Variants in COL9A2 observed in about 807,000 individuals in gnomAD.
COL9A2 encodes the protein collagen type IX alpha 2 chain.
A neutral mutation model predicts 111.6 loss-of-function variants in COL9A2; 66 were observed. That is an observed-to-expected ratio of 0.59 (90% CI 0.48 to 0.73). COL9A2 has a LOEUF of 0.73. Ranked by LOEUF, COL9A2 falls within the 30% of genes least tolerant of loss-of-function variation. COL9A2 has a pLI of 0.00. For synonymous variants in COL9A2, 353 were observed against 364.1 expected (o/e 0.97, Z 0.35); for missense variants, 881 against 954.1 (o/e 0.92, Z 1.01).
intron 31 of COL9A2, 82 bp from the exon 32 acceptor site, chr1:40,301,463 TG>T: frequency 7.8e-7 from 1 of 1,285,816 alleles, no homozygotes; most frequent in Non-Finnish European, 1.1e-6. Context: ...ACTTTTCAGA[TG>T]GAGAAAATGA....
chr1:40,301,390 A>G lies in COL9A2; in HGVS notation c.1871-9T>C, dbSNP rs767247863. ...AGGCCGGCCAGGGAGTCCTGTGAAC[A>G]GGAGAAAGTCAAGACATTAGGGGCA... On this transcript the variant is annotated splice_polypyrimidine_tract_variant and intron_variant, in intron 31 of 31. Transcript: ENST00000372748. 1.9e-6 allele frequency: 3 copies of G among 1,604,080 alleles called. No homozygotes were observed. Among genetic ancestry groups the G allele is most frequent in the African/African-American group, 1.3e-5 (1 of 74,522 alleles).
chr1:40,312,744 A>T lies in COL9A2; in HGVS notation c.290T>A (p.Ile97Asn), dbSNP rs1178931508. The T allele has an allele frequency of 1.3e-6, 2 of 1,553,596 alleles. No homozygotes were observed. The highest frequency in any genetic ancestry group is 1.2e-5 in the South Asian group (1 of 84,422). ...CAGGCCCCTTACCTTGACTCCAGGG[A>T]TCCCCATGGGGCCAGGCTCCCCCTT... Reference protein sequence around the residue: ...GAKGEPGPMGIPGVKGQPGLP... With the variant: ...GAKGEPGPMGNPGVKGQPGLP... Residue 97 changes from isoleucine to asparagine, a missense_variant, in exon 5 of 32, where the codon ATC becomes AAC. Physicochemically the swap from Ile to Asn is moderately radical, Grantham distance 149 (BLOSUM62 -3). Coordinates refer to ENST00000372748, the MANE Select transcript of COL9A2 (RefSeq NM_001852.4). This position sits in a 1 kb window ranked among gnomAD's most constrained non-coding sequence, Gnocchi z 6.0.
At chr1:40,315,772 C>T (rs963746054) in intron 1 of COL9A2, 108 bp from the exon 2 acceptor site, 3 of 676,208 alleles carry the variant, frequency 4.4e-6, no homozygotes, top group African/African-American at 3.7e-5. Flanking sequence ...GCAGCTCTTC[C>T]GCGAACTCCC....
In COL9A2 at chr1:40,301,323, TG is replaced by T; in HGVS notation, c.1928del (p.Pro643GlnfsTer105). ...GTCGACCTGCCTCTCCTGGAGCCCCTGGGGACCCTCGATCTCCATCCTTGCC... is the reference window on the plus strand; with the variant it reads ...GTCGACCTGCCTCTCCTGGAGCCCCTGGGACCCTCGATCTCCATCCTTGCC... The part of the protein sequence containing the change: ...INGKDGDRGS[P>X]GAPGEAGRPG... On this transcript the variant is annotated frameshift_variant, in exon 32 of 32. Transcript: ENST00000372748. LOFTEE classifies it high-confidence loss of function. The T allele has an allele frequency of 3.1e-6, 5 of 1,611,506 alleles. No individual in the cohort carries two copies. Among genetic ancestry groups the T allele is most frequent in the Non-Finnish European group, 4.2e-6 (5 of 1,178,284 alleles).
chr1:40,301,694 G>T, intron 31 of COL9A2, 118 bp downstream of exon 31: 1 of 972,142 alleles, frequency 1.0e-6, no homozygotes, highest in South Asian at 1.6e-5. Flanking sequence ...GCAGAAGCTG[G>T]GTATCAAGGA....
In COL9A2 at chr1:40,317,050, G is replaced by T; in HGVS notation, c.75+73C>A. On this transcript the variant is annotated intron_variant, in intron 1 of 31. Transcript: ENST00000372748. The surrounding 1 kb of genome is among the most constrained non-coding windows in gnomAD (Gnocchi z 4.3). ...GGGGTGTCAGTAGGCGCGGGACACAGGCAGAGCTCCTCCATCCCGGACTCC... is the reference window on the plus strand; with the variant it reads ...GGGGTGTCAGTAGGCGCGGGACACATGCAGAGCTCCTCCATCCCGGACTCC... 6.9e-7 allele frequency: 1 copy of T among 1,447,838 alleles called. No individual in the cohort carries two copies. Among genetic ancestry groups the T allele is most frequent in the Non-Finnish European group, 9.5e-7 (1 of 1,052,844 alleles). 89.7% of individuals were successfully genotyped at this position (1,447,838 alleles called of 1,614,324 possible).
Position 40,300,916 on chromosome 1 carries a change from G to C in COL9A2, c.*266C>G. On this transcript the variant is annotated 3_prime_UTR_variant, in exon 32 of 32. Transcript: ENST00000372748. The surrounding 1 kb of genome is among the most constrained non-coding windows in gnomAD (Gnocchi z 4.4). Reference sequence around the variant, plus strand: ...TTTTGGTAACAGCCGAATGATGCTCGCTGGAAGGAAAGCCGCCCTATTCCT... The same window carrying C: ...TTTTGGTAACAGCCGAATGATGCTCCCTGGAAGGAAAGCCGCCCTATTCCT... The C allele has an allele frequency of 2.1e-6, 1 of 473,938 alleles. No homozygotes were observed. Among genetic ancestry groups the C allele is most frequent in the Non-Finnish European group, 3.8e-6 (1 of 261,234 alleles). The allele number at this position is 473,938 out of a possible 1,614,324, so 29.4% of individuals were successfully genotyped here. A position where few individuals can be genotyped will look rare whatever the true frequency, so the allele number is the denominator to read the frequency against.
chr1:40,311,793 C>G lies in COL9A2; in HGVS notation c.418-78G>C. The stretch of plus-strand genomic sequence containing the variant: ...CCCTAGTGCCCTCCTCCAGGTCCTG[C>G]CTCTGCCCTCTCCACCCTGTCTTCC... On this transcript the variant is annotated intron_variant, in intron 8 of 31. Coordinates refer to ENST00000372748, the MANE Select transcript of COL9A2 (RefSeq NM_001852.4). This position sits in a 1 kb window ranked among gnomAD's most constrained non-coding sequence, Gnocchi z 5.1. The G allele has an allele frequency of 7.1e-7, 1 of 1,405,632 alleles. No individual in the cohort carries two copies. Among genetic ancestry groups the G allele is most frequent in the East Asian group, 2.3e-5 (1 of 43,870 alleles). 87.1% of individuals were successfully genotyped at this position (1,405,632 alleles called of 1,614,324 possible).
intron 16 of COL9A2, 68 bp downstream of exon 16, chr1:40,309,870 G>C (rs1262581610): frequency 6.0e-6 from 9 of 1,508,506 alleles, no homozygotes; most frequent in Non-Finnish European, 8.3e-6. Context: ...CACAGCCTTA[G>C]GGGGTGCCTT....
intron 4 of COL9A2, among the ~76,000 whole-genome samples, chr1:40,313,913 G>A (rs761570565): frequency 6.6e-6 from 1 of 152,074 alleles, no homozygotes; most frequent in Non-Finnish European, 1.5e-5. Flanking sequence ...CTGATCCTTG[G>A]AGGCCAGAAA....
rs1011498273 is a variant in COL9A2 at position 40,304,056 on chromosome 1, G to T, written c.1323+8C>A. On this transcript the variant is annotated splice_region_variant and intron_variant, in intron 25 of 31. Transcript: ENST00000372748. ...GGGGTCGCTGGGAACAGGGGTGCTGGAACTCACCACTTTGCCGCGGGGCCC... is the reference window on the plus strand; with the variant it reads ...GGGGTCGCTGGGAACAGGGGTGCTGTAACTCACCACTTTGCCGCGGGGCCC... 2.5e-6 allele frequency: 4 copies of T among 1,580,248 alleles called. No individual in the cohort carries two copies. Among genetic ancestry groups the T allele is most frequent in the Non-Finnish European group, 3.4e-6 (4 of 1,163,968 alleles).
At position 40,309,898 on chromosome 1, in the gene COL9A2, C is replaced by A. The variant is rs757276316; in HGVS notation, c.846+40G>T. The A allele has an allele frequency of 5.6e-6, 9 of 1,610,032 alleles. No individual in the cohort carries two copies. The Admixed American group carries it at 6.7e-5, about 12-fold the overall frequency. On this transcript the variant is annotated intron_variant, in intron 16 of 31. Coordinates refer to ENST00000372748, the MANE Select transcript of COL9A2 (RefSeq NM_001852.4). ...GGTGCCTTGTCCTGCCCAGTACTCC[C>A]CAGGGGTCCTGACTGAACAATGGGT...
At position 40,306,178 on chromosome 1, in the gene COL9A2, C is replaced by T. The variant is rs753194894; in HGVS notation, c.1018G>A (p.Gly340Ser). The change falls in exon 20 of 32, where the codon GGC (glycine) becomes AGC (serine). Residue 340 changes from glycine (G) to serine (S), a missense_variant. Gly to Ser is a moderately conservative substitution (Grantham distance 56). Transcript: ENST00000372748. The part of the protein sequence containing the change: ...PGHQGLAGVP[G>S]QPGTKGGPGD... ...GGGCCTCCTTTTGTCCCAGGCTGGC[C>T]TGGCACACCCTGCAGAAAGAAGTTG... 257 of 1,614,110 alleles carry T rather than the reference C, an allele frequency of 1.6e-4. No homozygotes were observed. Among genetic ancestry groups the T allele is most frequent in the Non-Finnish European group, 2.1e-4 (250 of 1,180,054 alleles).
In COL9A2 at chr1:40,311,655, C is replaced by T; in HGVS notation, c.471+7G>A. 1.2e-6 allele frequency: 2 copies of T among 1,613,932 alleles called. No individual in the cohort carries two copies. The highest frequency in any genetic ancestry group is 1.7e-6 in the Non-Finnish European group (2 of 1,179,842). ...CTTTGCCATGTCGGGGGTCTGGGGA[C>T]ACTTACAGGTTTCCCAGGGGGTCCT... is the stretch of plus-strand genomic sequence containing the variant. On this transcript the variant is annotated splice_region_variant and intron_variant, in intron 9 of 31. Coordinates refer to ENST00000372748, the MANE Select transcript of COL9A2 (RefSeq NM_001852.4). This position sits in a 1 kb window ranked among gnomAD's most constrained non-coding sequence, Gnocchi z 5.1.
chr1:40,310,705 G>T lies in COL9A2; in HGVS notation c.684+9C>A, dbSNP rs1173822574. The T allele has an allele frequency of 6.4e-7, 1 of 1,566,292 alleles. No homozygotes were observed. The highest frequency in any genetic ancestry group is 2.4e-5 in the East Asian group (1 of 42,028). On this transcript the variant is annotated intron_variant, in intron 13 of 31. Coordinates refer to ENST00000372748, the MANE Select transcript of COL9A2 (RefSeq NM_001852.4). The surrounding 1 kb of genome is among the most constrained non-coding windows in gnomAD (Gnocchi z 4.9). The stretch of plus-strand genomic sequence containing the variant: ...GAGAAGAGGGCCACTGAGGCAAGGT[G>T]TTCCTTACCGGTGGTCCAGGGATGC...
chr1:40,306,770 G>A (rs930817981), intron 19 of COL9A2, among the ~76,000 whole-genome samples: 4 of 152,106 alleles, frequency 2.6e-5, no homozygotes, highest in African/African-American at 9.7e-5. Context: ...GATGAGCCAT[G>A]AAGACAAAGA....
At chr1:40,315,093 C>T in intron 2 of COL9A2, 1 of 421,852 alleles carries the variant, frequency 2.4e-6, no homozygotes, top group Non-Finnish European at 3.2e-6. Context: ...GGCCCTCCTG[C>T]GGGAGCTTTC....
At chr1:40,315,129 T>C in intron 2 of COL9A2, 1 of 768,874 alleles carries the variant, frequency 1.3e-6, no homozygotes, top group Non-Finnish European at 1.6e-6. Context: ...ACCCTCACCC[T>C]GCAGGGAACA....
At chr1:40,306,122 C>CCCAGCTTGGGATCGCCTCACCTGGTCT in intron 20 of COL9A2, 21 bp downstream of exon 20, 1 of 1,613,952 alleles carries the variant, frequency 6.2e-7, no homozygotes, top group South Asian at 1.1e-5. Flanking sequence ...CAATTCTGTC[C>CCCAGCTTGGGATCGCCTCACCTGGTCT]CCAGCTTGGG....
Sources: allele counts gnomAD v4.1 joint callset (sites outside exome capture counted in the v4.1 genomes callset), GRCh38; gene constraint gnomAD v4.1.1; non-coding constraint Gnocchi (gnomAD v3.1); transcripts MANE v1.5; gene names NCBI Gene and HGNC (gene_info 2026-07-23, HGNC 2026-07-21).